Variants in ZNF736 observed in about 807,000 individuals in gnomAD.
The protein encoded by ZNF736 is zinc finger protein 736, also known as KRAB-containing zinc-finger repressor protein.
A neutral mutation model predicts 11.7 loss-of-function variants in ZNF736; 6 were observed. That is an observed-to-expected ratio of 0.51 (90% CI 0.28 to 1.01). The LOEUF (loss-of-function observed/expected upper bound fraction) is 1.01. Ranked by LOEUF, ZNF736 falls within the 50% of genes least tolerant of loss-of-function variation. ZNF736 has a pLI of 0.09. For synonymous variants in ZNF736, 139 were observed against 164.7 expected, an observed-to-expected ratio of 0.84 and a Z score of 1.19; for missense variants, 444 against 496.0, an observed-to-expected ratio of 0.90 and a Z score of 1.00.
chr7:64,348,039 A>G, intron 3 of ZNF736, 51 bp from the exon 4 acceptor site: 1 of 1,313,862 alleles, frequency 7.6e-7, no homozygotes, highest in South Asian at 1.6e-5. Context: ...TATATTTGTG[A>G]AGTATATTCA....
At chr7:64,330,648 A>G (rs950700362) in intron 1 of ZNF736, among the ~76,000 whole-genome samples, 2 of 152,086 alleles carry the variant, frequency 1.3e-5, no homozygotes, top group African/African-American at 2.4e-5. Flanking sequence ...ACATGGCTGC[A>G]GCAGCTTGGA....
rs183568976 is a variant in ZNF736 at position 64,341,490 on chromosome 7, T to C, written c.226+4508T>C. On this transcript the variant is annotated intron_variant, in intron 3 of 3. Transcript: ENST00000423484. ...TCTTTGAACTTTTGTGTGTAATTTC[T>C]AAGTTAAAGAGATTTTTTCCTCATT... Among the ~76,000 whole-genome samples, 276 of 152,326 alleles carry C rather than the reference T, an allele frequency of 1.8e-3. 2 individuals carry two copies. Among genetic ancestry groups the C allele is most frequent in the Middle Eastern group, 6.8e-3 (2 of 294 alleles).
intron 1 of ZNF736, among the ~76,000 whole-genome samples, chr7:64,316,130 G>T (rs1371798703): frequency 6.6e-6 from 1 of 152,142 alleles, no homozygotes; most frequent in Non-Finnish European, 1.5e-5. Flanking sequence ...TACCCACAAG[G>T]ACCATATCTC....
intron 3 of ZNF736, among the ~76,000 whole-genome samples, chr7:64,343,171 A>T (rs1008591967): frequency 5.9e-5 from 9 of 152,196 alleles, no homozygotes; most frequent in African/African-American, 2.2e-4. Flanking sequence ...CTAGTTGCCC[A>T]TCAGAGGTGG....
intron 3 of ZNF736, among the ~76,000 whole-genome samples, chr7:64,347,322 G>A (rs116915349): frequency 0.059 from 8,510 of 144,774 alleles, 365 homozygotes; most frequent in Admixed American, 0.15. Flanking sequence ...GAGTTCAAGC[G>A]ATTCTCCTTT....
At chr7:64,322,109 T>G (rs554010104) in intron 1 of ZNF736, among the ~76,000 whole-genome samples, 32 of 149,194 alleles carry the variant, frequency 2.1e-4, no homozygotes, top group Middle Eastern at 3.5e-3. Context: ...CATTTTATGG[T>G]TTTTTTTTTC....
In ZNF736 at chr7:64,326,060, T is replaced by C. The variant is rs1789078316; in HGVS notation, c.4-10199T>C. ...GATTTTTATCTCTGCTTTTGTAATCTCAGCAGATTGCCTATGATGGGTATC... is the reference window on the plus strand; with the variant it reads ...GATTTTTATCTCTGCTTTTGTAATCCCAGCAGATTGCCTATGATGGGTATC... On this transcript the variant is annotated intron_variant, in intron 1 of 3. Coordinates refer to ENST00000423484, the MANE Select transcript of ZNF736 (RefSeq NM_001170905.3). Among the ~76,000 whole-genome samples the C allele has an allele frequency of 1.1e-4, 16 of 152,346 alleles. No homozygotes were observed. In the South Asian group the frequency reaches 3.3e-3, roughly 32 times the overall value.
chr7:64,341,897 A>G (rs1789343534), intron 3 of ZNF736, among the ~76,000 whole-genome samples: 1 of 152,198 alleles, frequency 6.6e-6, no homozygotes. Flanking sequence ...CAGATAACAC[A>G]TGTGAAAGGT....
intron 1 of ZNF736, among the ~76,000 whole-genome samples, chr7:64,333,947 T>C (rs1273416608): frequency 6.6e-6 from 1 of 152,114 alleles, no homozygotes; most frequent in Admixed American, 6.6e-5. Context: ...AAAACCGGTA[T>C]ATAGACCAAT....
At chr7:64,333,603 G>A (rs1789204003) in intron 1 of ZNF736, among the ~76,000 whole-genome samples, 1 of 151,402 alleles carries the variant, frequency 6.6e-6, no homozygotes, top group African/African-American at 2.4e-5. Flanking sequence ...ATAAAAAATA[G>A]AAGAGACTTC....
chr7:64,330,724 A>T (rs1346235723), intron 1 of ZNF736, among the ~76,000 whole-genome samples: 1 of 152,114 alleles, frequency 6.6e-6, no homozygotes, highest in Non-Finnish European at 1.5e-5. Flanking sequence ...GTTACTGCTG[A>T]TGTTTATTCA....
chr7:64,319,558 C>T (rs1221127881), intron 1 of ZNF736, among the ~76,000 whole-genome samples: 81 of 124,384 alleles, frequency 6.5e-4, no homozygotes, highest in African/African-American at 1.9e-3. Flanking sequence ...TGCAGTCGAG[C>T]GGTCTTGGCT....
chr7:64,350,339 A>C lies in ZNF736; in HGVS notation c.*1192A>C, dbSNP rs1234965904. On this transcript the variant is annotated 3_prime_UTR_variant, in exon 4 of 4. Coordinates refer to ENST00000423484, the MANE Select transcript of ZNF736 (RefSeq NM_001170905.3). ...TGAGATTCTTTCCTCTGCTTGGCCT[A>C]TTCTGCTGTTAATATATGTGATTAC... The C allele has an allele frequency of 6.6e-6, 1 of 152,084 alleles. No individual in the cohort carries two copies. The highest frequency in any genetic ancestry group is 6.5e-5 in the Admixed American group (1 of 15,280). 9.4% of individuals were successfully genotyped at this position (152,084 alleles called of 1,614,324 possible).
Position 64,337,069 on chromosome 7 carries a change from G to T in ZNF736, c.226+87G>T, listed in dbSNP as rs1789262218. 1.8e-5 allele frequency: 20 copies of T among 1,102,056 alleles called. No homozygotes were observed. In the Admixed American group the frequency reaches 4.6e-4, roughly 25 times the overall value. The allele number at this position is 1,102,056 out of a possible 1,614,324, so 68.3% of individuals were successfully genotyped here. A position where few individuals can be genotyped will look rare whatever the true frequency, so the allele number is the denominator to read the frequency against. On this transcript the variant is annotated intron_variant, in intron 3 of 3. Coordinates refer to ENST00000423484, the MANE Select transcript of ZNF736 (RefSeq NM_001170905.3). ...CAAACCTTTAAACATGCTTCCAGAA[G>T]CTCTGCTCCAGTGGAAATGGTTTCT...
intron 1 of ZNF736, among the ~76,000 whole-genome samples, chr7:64,333,485 G>C (rs1227904928): frequency 6.6e-6 from 1 of 152,158 alleles, no homozygotes; most frequent in Non-Finnish European, 1.5e-5. Flanking sequence ...AGTGAAGAAG[G>C]AGACCATGTA....
rs201484182 is a variant in ZNF736, at chr7:64,355,379, C to CTTTT, written c.*6242_*6245dup. ...ATTTCAAGTAGATTTAATTCTAGAT[C>CTTTT]TTTTTTTTTTTTTCTTTTTTTGAGA... is the stretch of plus-strand genomic sequence containing the variant. On this transcript the variant is annotated 3_prime_UTR_variant, in exon 4 of 4. Coordinates refer to ENST00000423484, the MANE Select transcript of ZNF736 (RefSeq NM_001170905.3). The CTTTT allele has an allele frequency of 6.8e-6, 1 of 147,062 alleles. No homozygotes were observed. The highest frequency in any genetic ancestry group is 1.5e-5 in the Non-Finnish European group (1 of 66,716). 9.1% of individuals were successfully genotyped at this position (147,062 alleles called of 1,614,324 possible).
At chr7:64,319,346 T>C (rs1469390607) in intron 1 of ZNF736, among the ~76,000 whole-genome samples, 1 of 103,214 alleles carries the variant, frequency 9.7e-6, no homozygotes, top group Non-Finnish European at 2.0e-5. Flanking sequence ...TATATATATA[T>C]ATATATATAT....
Position 64,353,629 on chromosome 7 carries a change from A to T in ZNF736, c.*4482A>T, listed in dbSNP as rs1789518364. On this transcript the variant is annotated 3_prime_UTR_variant, in exon 4 of 4. Transcript: ENST00000423484. ...TTCTATATTAGATGGACAGATTTATATACTTTTCCATGGAGGATTAAGTAA... is the reference window on the plus strand; with the variant it reads ...TTCTATATTAGATGGACAGATTTATTTACTTTTCCATGGAGGATTAAGTAA... 6.6e-6 allele frequency: 1 copy of T among 152,194 alleles called. No homozygotes were observed. 9.4% of individuals were successfully genotyped at this position (152,194 alleles called of 1,614,324 possible). A position where few individuals can be genotyped will look rare whatever the true frequency, so the allele number is the denominator to read the frequency against.
At chr7:64,324,625 A>G (rs1456282549) in intron 1 of ZNF736, among the ~76,000 whole-genome samples, 1 of 152,262 alleles carries the variant, frequency 6.6e-6, no homozygotes, top group East Asian at 1.9e-4. Context: ...TGCCTAGAGG[A>G]CTTTAGACTT....
Sources: allele counts gnomAD v4.1 joint callset (sites outside exome capture counted in the v4.1 genomes callset), GRCh38; gene constraint gnomAD v4.1.1; transcripts MANE v1.5; gene names NCBI Gene and HGNC (gene_info 2026-07-23, HGNC 2026-07-21).